The following DYNLRB1 variants were observed in gnomAD, a reference collection of about 807,000 sequenced individuals.
DYNLRB1 encodes the protein ROBL/LC7-like 1.
A neutral mutation model predicts 13.5 loss-of-function variants in DYNLRB1; 6 were observed. That is an observed-to-expected ratio of 0.44 (90% confidence interval 0.24 to 0.88). The LOEUF (loss-of-function observed/expected upper bound fraction) is 0.88. DYNLRB1 is among the 40% of genes least tolerant of loss of function. The pLI is 0.21. For missense variants in DYNLRB1, 93 were observed against 127.2 expected (o/e 0.73, Z 1.29); for synonymous variants, 43 against 45.0 (o/e 0.96, Z 0.18).
intron 1 of DYNLRB1, among the ~76,000 whole-genome samples, chr20:34,521,445 T>G (rs965943914): frequency 2.0e-5 from 3 of 148,740 alleles, no homozygotes; most frequent in South Asian, 2.1e-4. Flanking sequence ...TCATTTTGTG[T>G]TTTTTTTTTA....
At chr20:34,522,066 TC>T (rs568420958) in intron 1 of DYNLRB1, among the ~76,000 whole-genome samples, 4 of 152,012 alleles carry the variant, frequency 2.6e-5, no homozygotes, top group Admixed American at 1.3e-4. Context: ...CCTCAGGTGT[TC>T]CTGACCACAT....
chr20:34,524,256 A>C (rs973576609), intron 1 of DYNLRB1, among the ~76,000 whole-genome samples: 4 of 152,148 alleles, frequency 2.6e-5, no homozygotes, highest in African/African-American at 9.7e-5. Context: ...ATGTGATTGC[A>C]GTCACCAAAG....
intron 3 of DYNLRB1, among the ~76,000 whole-genome samples, chr20:34,535,498 A>G (rs1981070271): frequency 6.6e-6 from 1 of 152,164 alleles, no homozygotes; most frequent in Admixed American, 6.5e-5. Context: ...GCCCACAAGG[A>G]TGGGAGCACA....
At chr20:34,527,139 C>G (rs1450323261) in intron 2 of DYNLRB1, among the ~76,000 whole-genome samples, 1 of 152,224 alleles carries the variant, frequency 6.6e-6, no homozygotes, top group African/African-American at 2.4e-5. Flanking sequence ...TGTAATTGAT[C>G]GGCCTACCAT....
chr20:34,517,582 C>G (rs1038432830), intron 1 of DYNLRB1, among the ~76,000 whole-genome samples: 4 of 149,578 alleles, frequency 2.7e-5, no homozygotes, highest in African/African-American at 9.9e-5. Flanking sequence ...TCAAATCAGG[C>G]TATATTTATT....
rs773031010 is a variant in DYNLRB1 at position 34,516,424 on chromosome 20, G to C, written c.-35G>C. On this transcript the variant is annotated 5_prime_UTR_variant, in exon 1 of 4. Transcript: ENST00000357156. ...CGCAGAAAGGCACAGGACTCGCTAA[G>C]TGTTCGCTACGCGGGGCTACCGGAT... 1 of 1,612,724 alleles carries C rather than the reference G, an allele frequency of 6.2e-7. No homozygotes were observed. The highest frequency in any genetic ancestry group is 1.7e-5 in the Admixed American group (1 of 59,946).
At chr20:34,539,073 T>C (rs1981390341) in intron 3 of DYNLRB1, among the ~76,000 whole-genome samples, 1 of 152,146 alleles carries the variant, frequency 6.6e-6, no homozygotes, top group African/African-American at 2.4e-5. Context: ...TCTGCATATA[T>C]AAAAATCACT....
chr20:34,535,774 A>T, intron 3 of DYNLRB1: 1 of 985,296 alleles, frequency 1.0e-6, no homozygotes, highest in Non-Finnish European at 1.2e-6. Context: ...AGAAGGGGCC[A>T]CAAACACCTA....
intron 2 of DYNLRB1, chr20:34,533,625 C>T (rs1980885137): frequency 3.8e-5 from 19 of 500,040 alleles, no homozygotes; most frequent in Non-Finnish European, 4.9e-5. Context: ...TCAAGACTAG[C>T]CTGGCCAGTA....
At chr20:34,530,235 G>A (rs1980608682) in intron 2 of DYNLRB1, 2 of 1,081,228 alleles carry the variant, frequency 1.8e-6, no homozygotes, top group African/African-American at 1.6e-5. Context: ...TTGGATACTA[G>A]TGAGTGCTGC....
At chr20:34,536,765 A>C (rs1435927246) in intron 3 of DYNLRB1, among the ~76,000 whole-genome samples, 1 of 150,038 alleles carries the variant, frequency 6.7e-6, no homozygotes, top group Admixed American at 6.6e-5. Flanking sequence ...AAAAAAAAAA[A>C]GTTGGGCCGG....
upstream of DYNLRB1, chr20:34,516,288 A>C (rs749113615): frequency 1.4e-5 from 15 of 1,095,358 alleles, no homozygotes; most frequent in South Asian, 2.4e-4. Flanking sequence ...AGTGGAAAGC[A>C]GATTTTCCAA....
intron 2 of DYNLRB1, among the ~76,000 whole-genome samples, chr20:34,526,778 A>G (rs1402927477): frequency 6.6e-6 from 1 of 152,200 alleles, no homozygotes. Flanking sequence ...ATATTGCTTC[A>G]TGGTTTACAT....
chr20:34,534,940 C>G, intron 3 of DYNLRB1, 145 bp downstream of exon 3: 1 of 1,506,118 alleles, frequency 6.6e-7, no homozygotes, highest in Non-Finnish European at 8.9e-7. Context: ...GCCTCACTGC[C>G]TAGCCAGCCT....
At chr20:34,534,902 C>T (rs1175278161) in intron 3 of DYNLRB1, 107 bp downstream of exon 3, 6 of 1,572,378 alleles carry the variant, frequency 3.8e-6, no homozygotes, top group Non-Finnish European at 5.2e-6. Flanking sequence ...CCAAGCAGGG[C>T]CCGAGGAGTT....
intron 2 of DYNLRB1, among the ~76,000 whole-genome samples, chr20:34,527,416 C>T (rs974557922): frequency 3.3e-5 from 5 of 152,282 alleles, no homozygotes; most frequent in Non-Finnish European, 5.9e-5. Context: ...GAATGAACAG[C>T]GTAAAGCATT....
intron 1 of DYNLRB1, among the ~76,000 whole-genome samples, chr20:34,523,920 G>T (rs1469230512): frequency 6.6e-6 from 1 of 152,026 alleles, no homozygotes; most frequent in Non-Finnish European, 1.5e-5. Context: ...AATCTCTGGG[G>T]GCTGTTTTGG....
rs184232755 is a variant in DYNLRB1 at position 34,537,147 on chromosome 20, G to A, written c.247+2352G>A. On this transcript the variant is annotated intron_variant, in intron 3 of 3. Transcript: ENST00000357156. Reference sequence around the variant, plus strand: ...TCCCACAACCTTGTCAGTGGAGGAGGATGAGGTGGCCAGTCCCTCACCTTG... The same window carrying A: ...TCCCACAACCTTGTCAGTGGAGGAGAATGAGGTGGCCAGTCCCTCACCTTG... Among the ~76,000 whole-genome samples the A allele has an allele frequency of 1.9e-4, 29 of 152,290 alleles. 1 individual carries two copies. The East Asian group carries it at 2.9e-3, about 15-fold the overall frequency.
chr20:34,527,103 G>A (rs1980286756), intron 2 of DYNLRB1, among the ~76,000 whole-genome samples: 1 of 152,238 alleles, frequency 6.6e-6, no homozygotes, highest in Non-Finnish European at 1.5e-5. Context: ...TCTGCATTTT[G>A]CAATGGAGAA....
Sources: gnomAD v4.1 joint callset for allele counts (sites outside exome capture counted in the v4.1 genomes callset) on GRCh38, gnomAD v4.1.1 for gene constraint, MANE v1.5 for transcripts, NCBI Gene and HGNC (gene_info 2026-07-23, HGNC 2026-07-21) for gene names.